OSBPL10: variants seen among roughly 807,000 people sequenced by gnomAD.
OSBPL10 encodes oxysterol binding protein like 10, also known as oxysterol-binding protein-related protein 10.
A neutral mutation model predicts 81.7 loss-of-function variants in OSBPL10; 49 were observed. The ratio of observed to expected loss-of-function variants is 0.60; its 90% CI spans 0.48 to 0.76. OSBPL10 has a LOEUF of 0.76. OSBPL10 is among the 30% of genes least tolerant of loss of function. OSBPL10 has a pLI of 0.00. For missense variants in OSBPL10, 923 were observed against 987.8 expected (o/e 0.93, Z 0.88); for synonymous variants, 419 against 383.6 (o/e 1.09, Z -1.08).
At chr3:31,787,929 A>C (rs1698899882) in intron 4 of OSBPL10, among the ~76,000 whole-genome samples, 1 of 152,250 alleles carries the variant, frequency 6.6e-6, no homozygotes, top group African/African-American at 2.4e-5. Context: ...GAATATAGTT[A>C]CTTTAAAATG....
At chr3:32,071,155 T>A (rs1350664463) in intron 1 of OSBPL10, among the ~76,000 whole-genome samples, 1 of 152,212 alleles carries the variant, frequency 6.6e-6, no homozygotes, top group Admixed American at 6.5e-5. Context: ...CTCAAATTTC[T>A]TCTCTGTTAC....
At chr3:31,908,988 C>T (rs1254297120) in intron 1 of OSBPL10, among the ~76,000 whole-genome samples, 1 of 152,194 alleles carries the variant, frequency 6.6e-6, no homozygotes, top group African/African-American at 2.4e-5. Flanking sequence ...AACTTTAGGT[C>T]ACTGGAGAGA....
upstream of OSBPL10, among the ~76,000 whole-genome samples, chr3:31,985,788 T>A (rs1232024036): frequency 6.6e-6 from 1 of 152,340 alleles, no homozygotes; most frequent in African/African-American, 2.4e-5. Flanking sequence ...TAATAGCTAA[T>A]GTATATTGAG....
intron 2 of OSBPL10, among the ~76,000 whole-genome samples, chr3:32,033,437 G>A (rs1007094539): frequency 7.9e-5 from 12 of 152,166 alleles, no homozygotes; most frequent in African/African-American, 2.9e-4. Flanking sequence ...ACTTGTTGAA[G>A]GAGTACATGG....
chr3:32,067,788 C>T (rs1273939717), intron 1 of OSBPL10, among the ~76,000 whole-genome samples: 1 of 152,188 alleles, frequency 6.6e-6, no homozygotes, highest in Non-Finnish European at 1.5e-5. Flanking sequence ...TATCCTGAAA[C>T]GTATGAGAAC....
chr3:31,818,830 G>T (rs1371388599), intron 4 of OSBPL10, among the ~76,000 whole-genome samples: 2 of 152,138 alleles, frequency 1.3e-5, no homozygotes, highest in Non-Finnish European at 2.9e-5. Context: ...CAGGTTAGAG[G>T]AATCACAAGG....
chr3:31,803,403 C>T (rs536163849), intron 4 of OSBPL10, among the ~76,000 whole-genome samples: 1 of 152,298 alleles, frequency 6.6e-6, no homozygotes, highest in East Asian at 1.9e-4. Flanking sequence ...CCTCTAAGTC[C>T]CTGGCAGAAC....
At chr3:31,733,198 A>G (rs537565042) in intron 6 of OSBPL10, 59 bp downstream of exon 6, 78 of 1,572,872 alleles carry the variant, frequency 5.0e-5, no homozygotes, top group Non-Finnish European at 6.0e-5. Context: ...TATAATTACT[A>G]TATTTCTGAA....
At chr3:31,866,176 T>C (rs564414630) in intron 3 of OSBPL10, among the ~76,000 whole-genome samples, 1 of 152,136 alleles carries the variant, frequency 6.6e-6, no homozygotes, top group Admixed American at 6.6e-5. Context: ...CACCTCACCC[T>C]TCACATTTTG....
At chr3:31,942,314 G>A (rs1697558032) in intron 1 of OSBPL10, among the ~76,000 whole-genome samples, 1 of 151,860 alleles carries the variant, frequency 6.6e-6, no homozygotes. Flanking sequence ...CACTTTGGGA[G>A]GCCAAGGCGG....
chr3:31,769,784 C>A (rs992385665), intron 4 of OSBPL10, among the ~76,000 whole-genome samples: 7 of 151,966 alleles, frequency 4.6e-5, no homozygotes, highest in African/African-American at 1.7e-4. Flanking sequence ...TATTTGTCTA[C>A]ATAAGAAAAC....
chr3:31,999,180 G>T (rs1699120051), intron 2 of OSBPL10, among the ~76,000 whole-genome samples: 1 of 152,148 alleles, frequency 6.6e-6, no homozygotes, highest in Non-Finnish European at 1.5e-5. Context: ...CACAAGAGCT[G>T]CAGTGGCAAT....
intron 8 of OSBPL10, among the ~76,000 whole-genome samples, chr3:31,676,950 C>A (rs900682675): frequency 6.6e-6 from 1 of 152,224 alleles, no homozygotes; most frequent in Admixed American, 6.5e-5. Flanking sequence ...CTGGGGTCAA[C>A]GTGAGTGAAT....
chr3:31,811,101 G>A (rs1401943644), intron 4 of OSBPL10, among the ~76,000 whole-genome samples: 4 of 151,668 alleles, frequency 2.6e-5, no homozygotes, highest in Admixed American at 2.0e-4. Context: ...GGAAAAAGGC[G>A]CCTTCTCCTG....
intron 2 of OSBPL10, among the ~76,000 whole-genome samples, chr3:32,011,103 C>G (rs1355781167): frequency 1.3e-5 from 2 of 151,760 alleles, no homozygotes; most frequent in Non-Finnish European, 2.9e-5. Flanking sequence ...GTGGTTCTCC[C>G]AGCACGCAGC....
intron 1 of OSBPL10, among the ~76,000 whole-genome samples, chr3:31,966,610 G>T (rs553969868): frequency 6.6e-6 from 1 of 152,040 alleles, no homozygotes; most frequent in African/African-American, 2.4e-5. Context: ...GGGGCCTCAT[G>T]AACATTAAAA....
intron 4 of OSBPL10, among the ~76,000 whole-genome samples, chr3:31,808,030 G>A (rs1699566024): frequency 2.6e-5 from 4 of 152,158 alleles, no homozygotes; most frequent in Admixed American, 2.6e-4. Flanking sequence ...TGAAGAACGT[G>A]CCACAGACAC....
chr3:31,761,144 T>C (rs1401328549), intron 4 of OSBPL10, among the ~76,000 whole-genome samples: 1 of 152,202 alleles, frequency 6.6e-6, no homozygotes, highest in Non-Finnish European at 1.5e-5. Context: ...TTTAATTCAT[T>C]GTTCATGTCC....
chr3:31,674,025 A>C (rs1700392175), intron 8 of OSBPL10, among the ~76,000 whole-genome samples: 1 of 152,084 alleles, frequency 6.6e-6, no homozygotes, highest in Admixed American at 6.5e-5. Flanking sequence ...GGCTCAAGTG[A>C]TCCTCCTGCC....
Sources: allele counts gnomAD v4.1 joint callset (sites outside exome capture counted in the v4.1 genomes callset), GRCh38; gene constraint gnomAD v4.1.1; transcripts MANE v1.5; gene names NCBI Gene and HGNC (gene_info 2026-07-23, HGNC 2026-07-21).